NRXN1: variants seen among roughly 807,000 people sequenced by gnomAD.
NRXN1 encodes neurexin 1.
Under a neutral mutation model 150.9 loss-of-function variants are expected in NRXN1, and 39 were observed. That is an observed-to-expected ratio of 0.26 (90% confidence interval 0.20 to 0.34). The LOEUF (loss-of-function observed/expected upper bound fraction) is 0.34, where lower values mean the gene tolerates loss of function less well. Among genes scored for constraint, NRXN1 ranks in the 10% least tolerant of loss-of-function variants. NRXN1 has a pLI of 1.00. For synonymous variants in NRXN1, 924 were observed against 757.0 expected (o/e 1.22, Z -3.62); for missense variants, 1,815 against 1,949.9 (o/e 0.93, Z 1.30).
intron 21 of NRXN1, among the ~76,000 whole-genome samples, chr2:49,954,562 G>A (rs1431197366): frequency 2.0e-5 from 3 of 152,048 alleles, no homozygotes; most frequent in African/African-American, 7.2e-5. Flanking sequence ...GCTAATTAAA[G>A]GAGAGAAAGA....
intron 8 of NRXN1, among the ~76,000 whole-genome samples, chr2:50,568,198 A>G (rs1670153846): frequency 6.6e-6 from 1 of 152,050 alleles, no homozygotes; most frequent in African/African-American, 2.4e-5. Context: ...TTTAATAATA[A>G]TGATCCTAAG....
intron 17 of NRXN1, among the ~76,000 whole-genome samples, chr2:50,277,172 G>A (rs1328348329): frequency 6.6e-6 from 1 of 152,122 alleles, no homozygotes; most frequent in Non-Finnish European, 1.5e-5. Flanking sequence ...CCTAACATTT[G>A]TATTTAGAAG....
intron 17 of NRXN1, among the ~76,000 whole-genome samples, chr2:50,330,032 A>G (rs1366678717): frequency 6.6e-6 from 1 of 152,028 alleles, no homozygotes; most frequent in Non-Finnish European, 1.5e-5. Context: ...AAGATTGGTA[A>G]AATAAGTGCA....
intron 18 of NRXN1, among the ~76,000 whole-genome samples, chr2:50,095,073 A>G (rs1228499302): frequency 6.6e-6 from 1 of 152,194 alleles, no homozygotes; most frequent in East Asian, 1.9e-4. Context: ...AGGAATAGTG[A>G]AAGCCATGGA....
chr2:50,706,294 T>C (rs1212801398), intron 5 of NRXN1, among the ~76,000 whole-genome samples: 1 of 152,164 alleles, frequency 6.6e-6, no homozygotes, highest in African/African-American at 2.4e-5. Flanking sequence ...CCTGCTGGGT[T>C]ATATAGTCAT....
intron 18 of NRXN1, among the ~76,000 whole-genome samples, chr2:50,101,706 G>A (rs1341872367): frequency 6.6e-6 from 1 of 152,006 alleles, no homozygotes; most frequent in Non-Finnish European, 1.5e-5. Flanking sequence ...ATTGATATAA[G>A]CCATAAGCTA....
chr2:50,583,502 C>T (rs1672615664), intron 8 of NRXN1, among the ~76,000 whole-genome samples: 1 of 152,282 alleles, frequency 6.6e-6, no homozygotes, highest in African/African-American at 2.4e-5. Flanking sequence ...TCCATACCTG[C>T]CAGTTTCCAC....
At chr2:50,968,616 G>C (rs1021010740) in intron 2 of NRXN1, among the ~76,000 whole-genome samples, 2 of 151,810 alleles carry the variant, frequency 1.3e-5, no homozygotes, top group African/African-American at 4.8e-5. Flanking sequence ...CTCGTTACTA[G>C]ATCATTCACA....
intron 2 of NRXN1, among the ~76,000 whole-genome samples, chr2:50,974,354 A>G (rs1479442425): frequency 6.6e-6 from 1 of 152,208 alleles, no homozygotes; most frequent in African/African-American, 2.4e-5. Context: ...AAAGGCAGAA[A>G]GAAACCAGTA....
At chr2:50,511,111 A>C (rs1369553720) in intron 12 of NRXN1, among the ~76,000 whole-genome samples, 1 of 151,998 alleles carries the variant, frequency 6.6e-6, no homozygotes, top group Non-Finnish European at 1.5e-5. Context: ...CTCAGGCTAG[A>C]GTGCAGTGGT....
intron 22 of NRXN1, among the ~76,000 whole-genome samples, chr2:49,931,968 T>G (rs1338609074): frequency 6.6e-6 from 1 of 152,238 alleles, no homozygotes; most frequent in Non-Finnish European, 1.5e-5. Context: ...CACAGAATTC[T>G]TAAGGCCTGA....
At chr2:50,861,053 G>C (rs949333096) in intron 5 of NRXN1, among the ~76,000 whole-genome samples, 2 of 152,054 alleles carry the variant, frequency 1.3e-5, no homozygotes, top group African/African-American at 4.8e-5. Context: ...GACATGATTA[G>C]GTTAGGCTGA....
At chr2:50,656,174 C>G (rs1686428322) in intron 5 of NRXN1, among the ~76,000 whole-genome samples, 1 of 151,934 alleles carries the variant, frequency 6.6e-6, no homozygotes, top group South Asian at 2.1e-4. Context: ...CCCCACCTCT[C>G]ATACACCACT....
intron 2 of NRXN1, among the ~76,000 whole-genome samples, chr2:50,986,251 T>C (rs1049160833): frequency 1.3e-5 from 2 of 151,680 alleles, no homozygotes; most frequent in Non-Finnish European, 3.0e-5. Flanking sequence ...AATGCAAATA[T>C]AAATTAGGAG....
chr2:50,009,656 C>G (rs1052746334), intron 21 of NRXN1, among the ~76,000 whole-genome samples: 1 of 151,932 alleles, frequency 6.6e-6, no homozygotes, highest in African/African-American at 2.4e-5. Context: ...TAAAATCGTA[C>G]AAAAAGAGAG....
intron 8 of NRXN1, among the ~76,000 whole-genome samples, chr2:50,557,236 T>C (rs1268307960): frequency 6.6e-6 from 1 of 152,178 alleles, no homozygotes; most frequent in Non-Finnish European, 1.5e-5. Flanking sequence ...GATAATGACT[T>C]TTTAAAATAA....
intron 5 of NRXN1, among the ~76,000 whole-genome samples, chr2:50,888,880 A>G (rs1033436348): frequency 6.6e-5 from 10 of 151,668 alleles, no homozygotes; most frequent in Non-Finnish European, 1.0e-4. Flanking sequence ...GATGGATTTG[A>G]TAACTACCTG....
chr2:50,337,729 A>G (rs62134971), intron 17 of NRXN1, among the ~76,000 whole-genome samples: 744 of 152,300 alleles, frequency 4.9e-3, no homozygotes, highest in African/African-American at 6.4e-3. Flanking sequence ...CAATATTTTA[A>G]TCACTTCCTC....
At chr2:50,389,345 A>C (rs188667612) in intron 17 of NRXN1, among the ~76,000 whole-genome samples, 36 of 150,754 alleles carry the variant, frequency 2.4e-4, no homozygotes, top group Non-Finnish European at 4.6e-4. Context: ...CATTTAGTCC[A>C]ATGATAATTC....
Sources: gnomAD v4.1 joint callset for allele counts (sites outside exome capture counted in the v4.1 genomes callset) on GRCh38, gnomAD v4.1.1 for gene constraint, MANE v1.5 for transcripts, NCBI Gene and HGNC (gene_info 2026-07-23, HGNC 2026-07-21) for gene names.